OR2C1: variants seen among roughly 807,000 people sequenced by gnomAD.
OR2C1 encodes the protein olfactory receptor family 2 subfamily C member 1.
For synonymous variants in OR2C1, 209 were observed against 167.3 expected, an observed-to-expected ratio of 1.25 and a Z score of -1.92; for missense variants, 468 against 388.3, an observed-to-expected ratio of 1.21 and a Z score of -1.73.
At chr16:3,347,859 CGCGCACACACACACGCACAT>C in the OR2C1 span, among the ~76,000 whole-genome samples, 14 of 4,922 alleles carry the variant, frequency 2.8e-3, no homozygotes, top group South Asian at 0.075. Flanking sequence ...CACGCACACA[CGCGCACACACACACGCACAT>C]GCACACATGC....
the OR2C1 span, among the ~76,000 whole-genome samples, chr16:3,340,138 G>A: frequency 6.6e-6 from 1 of 152,172 alleles, no homozygotes; most frequent in East Asian, 1.9e-4. Flanking sequence ...AATTAGCCAG[G>A]CATGGTGGCA....
the OR2C1 span, among the ~76,000 whole-genome samples, chr16:3,349,076 C>G: frequency 7.9e-5 from 12 of 152,130 alleles, no homozygotes; most frequent in Non-Finnish European, 1.6e-4. Context: ...TCAATTTACT[C>G]CTCTGCTAAG....
At chr16:3,333,359 C>T in the OR2C1 span, among the ~76,000 whole-genome samples, 5 of 151,520 alleles carry the variant, frequency 3.3e-5, no homozygotes, top group African/African-American at 1.2e-4. Context: ...TTATTTGAGA[C>T]GGAGTCTCCC....
At chr16:3,324,204 T>G in the OR2C1 span, among the ~76,000 whole-genome samples, 1 of 152,326 alleles carries the variant, frequency 6.6e-6, no homozygotes, top group Admixed American at 6.5e-5. Context: ...TTTATTTTAT[T>G]TTTTGGAGAC....
chr16:3,324,223 A>G, the OR2C1 span, among the ~76,000 whole-genome samples: 1 of 152,094 alleles, frequency 6.6e-6, no homozygotes, highest in Non-Finnish European at 1.5e-5. Context: ...ACAGAGCCTC[A>G]CTCTATCCCC....
At chr16:3,353,361 T>G (rs961398246), upstream of OR2C1, among the ~76,000 whole-genome samples, 3 of 151,106 alleles carry the variant, frequency 2.0e-5, no homozygotes, top group Admixed American at 1.3e-4. Flanking sequence ...GATGGTGGTG[T>G]GCACCTGTAG....
chr16:3,335,008 G>A, the OR2C1 span, among the ~76,000 whole-genome samples: 4 of 151,504 alleles, frequency 2.6e-5, no homozygotes, highest in South Asian at 2.1e-4. Flanking sequence ...TAGTAGAGAC[G>A]GGGTTTCACC....
upstream of OR2C1, chr16:3,355,837 G>T: frequency 1.3e-6 from 1 of 785,898 alleles, no homozygotes; most frequent in South Asian, 1.7e-5. Context: ...AGAACTATTA[G>T]ACCGTTCCTG....
the OR2C1 span, among the ~76,000 whole-genome samples, chr16:3,346,661 A>C: frequency 1.6e-5 from 2 of 125,236 alleles, no homozygotes; most frequent in East Asian, 2.3e-4. Context: ...TCTTCCTCTC[A>C]CTCTGTCATC....
the OR2C1 span, among the ~76,000 whole-genome samples, chr16:3,335,488 T>C: frequency 6.6e-6 from 1 of 151,404 alleles, no homozygotes; most frequent in Non-Finnish European, 1.5e-5. Flanking sequence ...ATGTTTCAGA[T>C]TGTGTGTTAT....
the OR2C1 span, among the ~76,000 whole-genome samples, chr16:3,334,464 G>A: frequency 6.6e-6 from 1 of 150,484 alleles, no homozygotes; most frequent in Non-Finnish European, 1.5e-5. Flanking sequence ...TTTTTGTACA[G>A]ACAGGGTTTT....
upstream of OR2C1, among the ~76,000 whole-genome samples, chr16:3,351,208 TTTTTTCTTTTTCTTTTTC>T (rs1567284900): frequency 2.2e-3 from 22 of 10,138 alleles, 4 homozygotes; most frequent in African/African-American, 4.5e-3. Flanking sequence ...TCTTTTTTCT[TTTTTTCTTTTTCTTTTTC>T]TTTTTTTTTT....
chr16:3,353,035 G>A (rs138788684), upstream of OR2C1, among the ~76,000 whole-genome samples: 1,755 of 151,716 alleles, frequency 0.012, 32 homozygotes, highest in African/African-American at 0.04. Context: ...CAGCCACTGC[G>A]CCCGGCCCTG....
At chr16:3,339,702 C>T in the OR2C1 span, among the ~76,000 whole-genome samples, 15 of 152,210 alleles carry the variant, frequency 9.9e-5, no homozygotes, top group Middle Eastern at 6.8e-3. Flanking sequence ...GTGATCCACC[C>T]GCCTCGGCCT....
upstream of OR2C1, among the ~76,000 whole-genome samples, chr16:3,353,988 T>C (rs572360053): frequency 8.6e-4 from 112 of 129,954 alleles, no homozygotes; most frequent in African/African-American, 2.3e-3. Context: ...CTTTTCTTTT[T>C]TTTTTTTTTT....
At chr16:3,338,477 G>C in the OR2C1 span, among the ~76,000 whole-genome samples, 1 of 149,960 alleles carries the variant, frequency 6.7e-6, no homozygotes, top group African/African-American at 2.5e-5. Context: ...CATGGATATG[G>C]AATTCTGATT....
At position 3,356,935 on chromosome 16, in the gene OR2C1, ACT is replaced by A; in HGVS notation, c.*63_*64del. 1 of 1,379,240 alleles carries A rather than the reference ACT, an allele frequency of 7.3e-7. No homozygotes were observed. Among genetic ancestry groups the A allele is most frequent in the Non-Finnish European group, 9.8e-7 (1 of 1,024,098 alleles). 85.4% of individuals were successfully genotyped at this position (1,379,240 alleles called of 1,614,324 possible). Reference sequence around the variant, plus strand: ...TCATCTCTACATGCGTTTCTCATTAACTCTCTCTGGCCAGGTGAACATGAGGA... The same window carrying A: ...TCATCTCTACATGCGTTTCTCATTAACTCTCTGGCCAGGTGAACATGAGGA... On this transcript the variant is annotated 3_prime_UTR_variant, in exon 1 of 1. Transcript: ENST00000304936.
chr16:3,337,458 C>G, the OR2C1 span, among the ~76,000 whole-genome samples: 1 of 152,090 alleles, frequency 6.6e-6, no homozygotes, highest in Admixed American at 6.6e-5. Context: ...CATGGACCAC[C>G]ACGCCCATCC....
chr16:3,340,570 GT>G, the OR2C1 span, among the ~76,000 whole-genome samples: 1 of 152,154 alleles, frequency 6.6e-6, no homozygotes, highest in Non-Finnish European at 1.5e-5. Context: ...AGAGTTCACA[GT>G]TTTGGCTCTG....
Sources: allele counts gnomAD v4.1 joint callset (sites outside exome capture counted in the v4.1 genomes callset), GRCh38; gene constraint gnomAD v4.1.1; transcripts MANE v1.5; gene names NCBI Gene and HGNC (gene_info 2026-07-23, HGNC 2026-07-21).